Variants in PAH observed in about 807,000 individuals in gnomAD.
PAH encodes the protein phenylalanine hydroxylase, also known as phenylalanine-4-hydroxylase.
A neutral mutation model predicts 62.0 loss-of-function variants in PAH; 64 were observed. That is an observed-to-expected ratio of 1.03 (90% CI 0.84 to 1.27). PAH has a LOEUF of 1.27. PAH is among the 50% of genes most tolerant of loss of function. PAH has a pLI of 0.00. For missense variants in PAH, 579 were observed against 542.8 expected, an observed-to-expected ratio of 1.07 and a Z score of -0.66; for synonymous variants, 195 against 196.2, an observed-to-expected ratio of 0.99 and a Z score of 0.05.
At chr12:102,903,951 G>A (rs1185595606) in intron 2 of PAH, among the ~76,000 whole-genome samples, 2 of 152,106 alleles carry the variant, frequency 1.3e-5, no homozygotes, top group African/African-American at 4.8e-5. Context: ...TCTCAGGAGA[G>A]TATTTTCCTA....
chr12:102,854,845 T>C, intron 6 of PAH: 1 of 464,092 alleles, frequency 2.2e-6, no homozygotes, highest in Middle Eastern at 6.2e-4. Context: ...AAAACCTCAG[T>C]GAAGCACCTT....
chr12:102,871,225 A>G (rs1001909305), intron 4 of PAH, among the ~76,000 whole-genome samples: 1 of 152,200 alleles, frequency 6.6e-6, no homozygotes, highest in African/African-American at 2.4e-5. Flanking sequence ...TGTCCAAAAT[A>G]TTTAGCACAG....
At chr12:102,940,039 ACT>A (rs1277176225) in intron 1 of PAH, among the ~76,000 whole-genome samples, 4 of 152,218 alleles carry the variant, frequency 2.6e-5, no homozygotes, top group African/African-American at 9.7e-5. Context: ...AGTGCCATCT[ACT>A]GAACTGCAGC....
chr12:102,845,106 G>A (rs1477015471), intron 9 of PAH, among the ~76,000 whole-genome samples: 1 of 152,168 alleles, frequency 6.6e-6, no homozygotes, highest in African/African-American at 2.4e-5. Context: ...CCATGGACAG[G>A]ATTGCCCAGG....
chr12:102,839,768 G>A (rs948578946), intron 12 of PAH, among the ~76,000 whole-genome samples: 2 of 152,228 alleles, frequency 1.3e-5, no homozygotes, highest in African/African-American at 4.8e-5. Context: ...ATGAAGGTGT[G>A]ATGCAGCCTT....
exon 1 of PAH, chr12:102,958,209 C>A (rs1879986894): frequency 3.5e-6 from 5 of 1,438,316 alleles, no homozygotes; most frequent in Non-Finnish European, 4.6e-6. Context: ...CGTCCCGGAT[C>A]GCTCTGATTC....
rs1878258606 is a variant in PAH at position 102,912,883 on chromosome 12, C to T, written c.76G>A (p.Glu26Lys). 4 of 1,610,888 alleles carry T rather than the reference C, an allele frequency of 2.5e-6. No homozygotes were observed. Among genetic ancestry groups the T allele is most frequent in the Non-Finnish European group, 3.4e-6 (4 of 1,177,134 alleles). The change falls in exon 2 of 13, where the codon GAA becomes AAA. Residue 26 changes from glutamate (E) to lysine (K), a missense_variant. Coordinates refer to ENST00000553106, the MANE Select transcript of PAH (RefSeq NM_000277.3). ...SDFGQETSYI[E>K]DNCNQNGAIS... Reference sequence around the variant, plus strand: ...GCACCATTTTGATTGCAGTTGTCTTCAATATAGCTTGTTTCCTACAGGATA... The same window carrying T: ...GCACCATTTTGATTGCAGTTGTCTTTAATATAGCTTGTTTCCTACAGGATA...
At chr12:102,895,869 A>AAAAAAAAAAAAATATAT (rs953209518) in intron 2 of PAH, among the ~76,000 whole-genome samples, 1 of 118,744 alleles carries the variant, frequency 8.4e-6, no homozygotes, top group African/African-American at 3.6e-5. Context: ...AAAAAAAAAA[A>AAAAAAAAAAAAATATAT]ATATATATAT....
upstream of PAH, chr12:102,917,395 G>A: frequency 2.0e-6 from 1 of 494,840 alleles, no homozygotes; most frequent in Non-Finnish European, 3.7e-6. Context: ...AGGGTGTGGG[G>A]GACGCAGGAG....
chr12:102,956,731 G>A (rs1879925546), intron 1 of PAH, among the ~76,000 whole-genome samples: 1 of 151,986 alleles, frequency 6.6e-6, no homozygotes, highest in Admixed American at 6.5e-5. Flanking sequence ...AGGGGGTGGC[G>A]GTAGGGGGCG....
At chr12:102,949,721 T>A (rs1015691574) in intron 1 of PAH, among the ~76,000 whole-genome samples, 1 of 152,194 alleles carries the variant, frequency 6.6e-6, no homozygotes, top group Non-Finnish European at 1.5e-5. Context: ...TTAGGATGTG[T>A]TTGCATAACA....
chr12:102,872,829 G>T (rs1248067556), intron 4 of PAH, among the ~76,000 whole-genome samples: 1 of 152,152 alleles, frequency 6.6e-6, no homozygotes, highest in African/African-American at 2.4e-5. Flanking sequence ...TTAGCTGGGT[G>T]TGGTGGCACA....
At chr12:102,958,374 G>A (rs1565889029), upstream of PAH, 11 of 1,447,548 alleles carry the variant, frequency 7.6e-6, no homozygotes, top group Non-Finnish European at 1.0e-5. Context: ...CGCAGCCGCC[G>A]CAGCGGCAGC....
chr12:102,894,978 T>C, intron 2 of PAH, 60 bp from the exon 3 acceptor site: 2 of 1,238,994 alleles, frequency 1.6e-6, no homozygotes, highest in Admixed American at 3.4e-5. Context: ...AGGCCAAAGA[T>C]GCAGAACCAG....
At chr12:102,916,722 T>G (rs542768247) in intron 1 of PAH, 25 of 342,140 alleles carry the variant, frequency 7.3e-5, no homozygotes, top group South Asian at 6.9e-4. Flanking sequence ...CCCAGATCAT[T>G]AGGGACCAGC....
At chr12:102,925,419 G>A (rs1453011691) in intron 1 of PAH, among the ~76,000 whole-genome samples, 1 of 152,118 alleles carries the variant, frequency 6.6e-6, no homozygotes, top group Non-Finnish European at 1.5e-5. Context: ...TGCTGACTTA[G>A]AATTTGATGA....
intron 1 of PAH, among the ~76,000 whole-genome samples, chr12:102,939,572 T>C (rs73395428): frequency 6.6e-6 from 1 of 151,980 alleles, no homozygotes; most frequent in Non-Finnish European, 1.5e-5. Flanking sequence ...AAAGACCCTG[T>C]TCATTTTGCT....
intron 12 of PAH, among the ~76,000 whole-genome samples, chr12:102,839,697 A>T (rs1187750737): frequency 6.6e-6 from 1 of 152,250 alleles, no homozygotes; most frequent in Non-Finnish European, 1.5e-5. Context: ...TCTGATGCAC[A>T]TTCAAATTTT....
chr12:102,862,223 A>G (rs1207104914), intron 5 of PAH, among the ~76,000 whole-genome samples: 1 of 152,202 alleles, frequency 6.6e-6, no homozygotes, highest in Admixed American at 6.5e-5. Flanking sequence ...CTATGTGGCC[A>G]TAAAAAATGA....
Sources: gnomAD v4.1 joint callset for allele counts (sites outside exome capture counted in the v4.1 genomes callset) on GRCh38, gnomAD v4.1.1 for gene constraint, MANE v1.5 for transcripts, NCBI Gene and HGNC (gene_info 2026-07-23, HGNC 2026-07-21) for gene names.